Variants in USH2A observed in about 807,000 individuals in gnomAD.
USH2A encodes the protein usherin, also known as Usher syndrome 2A (autosomal recessive, mild).
USH2A carries 443 observed loss-of-function variants against 538.9 expected under a neutral mutation model. The ratio of observed to expected loss-of-function variants is 0.82; its 90% CI spans 0.76 to 0.89. The LOEUF is 0.89. Ranked by LOEUF, USH2A falls within the 40% of genes least tolerant of loss-of-function variation. USH2A has a pLI of 0.00. For missense variants in USH2A, 6,633 were observed against 6,324.8 expected (o/e 1.05, Z -1.65); for synonymous variants, 2,413 against 2,273.5 (o/e 1.06, Z -1.75).
intron 61 of USH2A, among the ~76,000 whole-genome samples, chr1:215,682,656 T>C (rs1477900013): frequency 6.6e-6 from 1 of 152,060 alleles, no homozygotes; most frequent in Non-Finnish European, 1.5e-5. Flanking sequence ...GGTTGCAAGC[T>C]GAAGTTCATG....
At chr1:215,992,600 A>C (rs1668027316) in intron 35 of USH2A, among the ~76,000 whole-genome samples, 1 of 152,336 alleles carries the variant, frequency 6.6e-6, no homozygotes, top group Non-Finnish European at 1.5e-5. Context: ...CTTTTAAGAT[A>C]AACTTATTAA....
intron 13 of USH2A, among the ~76,000 whole-genome samples, chr1:216,236,089 A>C (rs904500034): frequency 6.6e-6 from 1 of 152,144 alleles, no homozygotes; most frequent in African/African-American, 2.4e-5. Context: ...TCTAGACTTG[A>C]TCAAGTGAAT....
At chr1:216,417,616 T>G (rs2039599283) in intron 3 of USH2A, among the ~76,000 whole-genome samples, 1 of 152,124 alleles carries the variant, frequency 6.6e-6, no homozygotes, top group Admixed American at 6.6e-5. Context: ...AGTACCTCCC[T>G]TTCTTTCTTT....
Position 216,324,272 on chromosome 1 carries a change from A to C in USH2A, c.1224T>G (p.Asp408Glu). Residue 408 changes from aspartate (D) to glutamate (E), a missense_variant, in exon 7 of 72, where the codon GAT becomes GAG. Asp to Glu is a conservative substitution (Grantham distance 45, BLOSUM62 2). Coordinates refer to ENST00000307340, the MANE Select transcript of USH2A (RefSeq NM_206933.4). ...TGGCAAAATATTGCCAGTCCTCCCA[A>C]TCTAAACTATTTTCCTTCTTCCTTT... ...RIQRKKENSL[D>E]WEDWQYFARN... 1.2e-6 allele frequency: 2 copies of C among 1,613,310 alleles called. No homozygotes were observed. Among genetic ancestry groups the C allele is most frequent in the Non-Finnish European group, 1.7e-6 (2 of 1,179,672 alleles).
At chr1:216,150,175 A>G (rs2033804428) in intron 21 of USH2A, among the ~76,000 whole-genome samples, 1 of 152,082 alleles carries the variant, frequency 6.6e-6, no homozygotes, top group Admixed American at 6.5e-5. Context: ...TCAACTACTT[A>G]TAAATGCCCT....
chr1:215,646,332 A>G (rs1195333619), intron 67 of USH2A, among the ~76,000 whole-genome samples: 1 of 147,564 alleles, frequency 6.8e-6, no homozygotes, highest in Non-Finnish European at 1.5e-5. Context: ...TGGACTCCAT[A>G]AATTATGCAG....
chr1:215,713,589 A>C (rs1394289007), intron 61 of USH2A, among the ~76,000 whole-genome samples: 1 of 152,226 alleles, frequency 6.6e-6, no homozygotes, highest in Non-Finnish European at 1.5e-5. Flanking sequence ...TGAATAAGGT[A>C]ATATCTGTTC....
chr1:215,874,444 T>C (rs1053693789), intron 43 of USH2A, among the ~76,000 whole-genome samples: 9 of 152,210 alleles, frequency 5.9e-5, no homozygotes, highest in African/African-American at 1.9e-4. Context: ...AATTAAATTA[T>C]CTGGATAATT....
At chr1:215,756,411 G>A (rs1454184908) in intron 58 of USH2A, among the ~76,000 whole-genome samples, 1 of 152,048 alleles carries the variant, frequency 6.6e-6, no homozygotes, top group East Asian at 1.9e-4. Context: ...ATAAACCATG[G>A]GACTTCCCAG....
chr1:216,023,459 C>CAAAAAAAAAAAAAAAAAAAAAAAAAAA lies in USH2A; in HGVS notation c.6326-22898_6326-22897insTTTTTTTTTTTTTTTTTTTTTTTTTTT. Among the ~76,000 whole-genome samples, 34 of 46,950 alleles carry CAAAAAAAAAAAAAAAAAAAAAAAAAAA rather than the reference C, an allele frequency of 7.2e-4. 1 individual carries two copies. The highest frequency in any genetic ancestry group is 9.4e-4 in the Non-Finnish European group (25 of 26,618). The allele number at this position is 46,950 out of a possible 152,430, so 30.8% of individuals were successfully genotyped here. ...CCTCTTAAAAACTGTTCAAAGCAGA[C>CAAAAAAAAAAAAAAAAAAAAAAAAAAA]AAAAAAAAAAAAAAAAAAAAAAATC... On this transcript the variant is annotated intron_variant, in intron 32 of 71. Coordinates refer to ENST00000307340, the MANE Select transcript of USH2A (RefSeq NM_206933.4).
At chr1:216,065,605 T>G (rs1356815799) in intron 30 of USH2A, among the ~76,000 whole-genome samples, 1 of 152,144 alleles carries the variant, frequency 6.6e-6, no homozygotes, top group Non-Finnish European at 1.5e-5. Flanking sequence ...AATAGAAAAA[T>G]TAGCAATGCA....
At chr1:216,302,655 AAC>A (rs1213324552) in intron 9 of USH2A, among the ~76,000 whole-genome samples, 1 of 152,120 alleles carries the variant, frequency 6.6e-6, no homozygotes, top group Non-Finnish European at 1.5e-5. Flanking sequence ...AATGACGACA[AAC>A]ACATCATACA....
intron 9 of USH2A, among the ~76,000 whole-genome samples, chr1:216,295,665 G>A (rs914769755): frequency 9.2e-5 from 14 of 151,830 alleles, no homozygotes; most frequent in African/African-American, 3.4e-4. Context: ...CATTTGCTGT[G>A]AAATACTTAA....
intron 30 of USH2A, among the ~76,000 whole-genome samples, chr1:216,063,090 T>G (rs1350911796): frequency 1.3e-5 from 2 of 152,152 alleles, no homozygotes; most frequent in Admixed American, 1.3e-4. Flanking sequence ...ACCTCAGAAA[T>G]GCTAAATAAG....
chr1:216,414,068 A>C (rs2039536923), intron 3 of USH2A, among the ~76,000 whole-genome samples: 1 of 152,162 alleles, frequency 6.6e-6, no homozygotes, highest in Non-Finnish European at 1.5e-5. Flanking sequence ...CTTTTATAAG[A>C]GTAACCAAAG....
At chr1:216,147,914 A>G (rs1484757991) in intron 21 of USH2A, among the ~76,000 whole-genome samples, 5 of 141,970 alleles carry the variant, frequency 3.5e-5, no homozygotes, top group Non-Finnish European at 7.7e-5. Context: ...CCCACTGAAA[A>G]TCGGACTGTT....
At position 216,033,996 on chromosome 1, in the gene USH2A, T is replaced by A. The variant is rs556152659; in HGVS notation, c.6325+12435A>T. 3.4e-4 allele frequency among the ~76,000 whole-genome samples: 52 copies of A among 152,256 alleles called. No individual in the cohort carries two copies. In the South Asian group the frequency reaches 9.7e-3, roughly 29 times the overall value. ...GAGCACATTGGTAGGATGTGGCAGATAAAATAAATTCAGTTTTAAGGAGTT... is the reference window on the plus strand; with the variant it reads ...GAGCACATTGGTAGGATGTGGCAGAAAAAATAAATTCAGTTTTAAGGAGTT... On this transcript the variant is annotated intron_variant, in intron 32 of 71. Coordinates refer to ENST00000307340, the MANE Select transcript of USH2A (RefSeq NM_206933.4).
chr1:215,693,116 G>GTGTGTA, intron 61 of USH2A, among the ~76,000 whole-genome samples: 2 of 133,516 alleles, frequency 1.5e-5, no homozygotes, highest in Non-Finnish European at 3.1e-5. Context: ...GTGTGTATGT[G>GTGTGTA]TATATATATA....
intron 27 of USH2A, among the ~76,000 whole-genome samples, chr1:216,077,758 A>C (rs2031799351): frequency 6.7e-6 from 1 of 149,896 alleles, no homozygotes; most frequent in South Asian, 2.1e-4. Flanking sequence ...ATATTTATTC[A>C]GTAAATAGTA....
Sources: allele counts gnomAD v4.1 joint callset (sites outside exome capture counted in the v4.1 genomes callset), GRCh38; gene constraint gnomAD v4.1.1; transcripts MANE v1.5; gene names NCBI Gene and HGNC (gene_info 2026-07-23, HGNC 2026-07-21).